DCBLD2: variants seen among roughly 807,000 people sequenced by gnomAD.
DCBLD2 encodes discoidin, CUB and LCCL domain-containing protein 2.
DCBLD2 carries 54 observed loss-of-function variants against 86.8 expected under a neutral mutation model. That is an observed-to-expected ratio of 0.62 (90% CI 0.50 to 0.78). The LOEUF (loss-of-function observed/expected upper bound fraction) is 0.78. DCBLD2 is among the 30% of genes least tolerant of loss of function. The pLI is 0.00. For synonymous variants in DCBLD2, 354 were observed against 341.3 expected, an observed-to-expected ratio of 1.04 and a Z score of -0.41; for missense variants, 908 against 954.2, an observed-to-expected ratio of 0.95 and a Z score of 0.64.
chr3:98,881,767 C>A lies in DCBLD2; in HGVS notation c.206G>T (p.Gly69Val). ...TAGTACAGTGTGTCCACATCCATCACCTTTAAAAAAAGTGAAAAGAATGAT... is the reference window on the plus strand; with the variant it reads ...TAGTACAGTGTGTCCACATCCATCAACTTTAAAAAAAGTGAAAAGAATGAT... ...LLLEDAGAQQ[G>V]DGCGHTVLGP... The change falls in exon 2 of 16, where the codon GGT (glycine) becomes GTT (valine). Residue 69 changes from glycine to valine, a missense_variant and splice_region_variant. This residue lies in a region of DCBLD2 where 294 missense variants were observed against 256.0 expected (regional missense o/e 1.15). Coordinates refer to ENST00000326840, the MANE Select transcript of DCBLD2 (RefSeq NM_080927.4). The A allele has an allele frequency of 1.3e-6, 2 of 1,584,158 alleles. No homozygotes were observed. Among genetic ancestry groups the A allele is most frequent in the Non-Finnish European group, 1.7e-6 (2 of 1,161,034 alleles).
At chr3:98,829,362 T>A (rs767140807) in intron 3 of DCBLD2, among the ~76,000 whole-genome samples, 1 of 151,936 alleles carries the variant, frequency 6.6e-6, no homozygotes, top group Non-Finnish European at 1.5e-5. Context: ...GTCATGGGGG[T>A]TTGCTGTATC....
Position 98,800,683 on chromosome 3 carries a change from G to T in DCBLD2, c.1754C>A (p.Ala585Glu), listed in dbSNP as rs1941703078. 6.2e-7 allele frequency: 1 copy of T among 1,613,776 alleles called. No homozygotes were observed. Among genetic ancestry groups the T allele is most frequent in the African/African-American group, 1.3e-5 (1 of 74,904 alleles). Residue 585 changes from alanine to glutamate, a missense_variant, in exon 15 of 16, where the codon GCA becomes GAA. By Grantham distance (107) the Ala-to-Glu change is moderately radical (BLOSUM62 -1). This residue lies in a region of DCBLD2 where 606 missense variants were observed against 678.5 expected (regional missense o/e 0.89). Transcript: ENST00000326840. ...GGTTTCCTCATGGTCCACTGCTTTT[G>T]CAGGAAGAAACTGCTTCATTCCTTT... The part of the protein sequence containing the change: ...WWKGMKQFLP[A>E]KAVDHEETPV...
intron 12 of DCBLD2, among the ~76,000 whole-genome samples, chr3:98,809,444 G>T (rs982525905): frequency 1.3e-5 from 2 of 151,706 alleles, no homozygotes; most frequent in Non-Finnish European, 2.9e-5. Context: ...TAGATCGAGG[G>T]GAACCAGGGC....
At chr3:98,818,850 T>C (rs908096058) in intron 8 of DCBLD2, among the ~76,000 whole-genome samples, 1 of 152,184 alleles carries the variant, frequency 6.6e-6, no homozygotes, top group African/African-American at 2.4e-5. Context: ...TCCCTACTTT[T>C]GAGGTTTTGG....
chr3:98,800,857 T>G (rs1334989779), intron 14 of DCBLD2, 141 bp from the exon 15 acceptor site: 2 of 1,098,214 alleles, frequency 1.8e-6, no homozygotes, highest in Non-Finnish European at 2.5e-6. Flanking sequence ...ATCCAACTTT[T>G]TTTTTTTTTT....
chr3:98,870,949 A>G (rs924151428), intron 2 of DCBLD2, among the ~76,000 whole-genome samples: 22 of 150,614 alleles, frequency 1.5e-4, no homozygotes, highest in African/African-American at 5.1e-4. Context: ...TGTATCATCT[A>G]TGGTTTCTTT....
At chr3:98,822,623 A>G in intron 5 of DCBLD2, 46 bp downstream of exon 5, 1 of 1,508,866 alleles carries the variant, frequency 6.6e-7, no homozygotes, top group South Asian at 1.3e-5. Context: ...GTTCTAAAAA[A>G]ATAGAGTTAT....
intron 10 of DCBLD2, 37 bp downstream of exon 10, chr3:98,812,295 C>T (rs374247631): frequency 6.2e-7 from 1 of 1,603,906 alleles, no homozygotes; most frequent in Non-Finnish European, 8.5e-7. Flanking sequence ...AATTGGCAAT[C>T]CAGTAAAAAC....
rs78062335 is a variant in DCBLD2 at position 98,852,870 on chromosome 3, C to T, written c.434-3272G>A. 4.2e-3 allele frequency among the ~76,000 whole-genome samples: 542 copies of T among 130,038 alleles called. 5 individuals are homozygous for T. The highest frequency in any genetic ancestry group is 0.01 in the African/African-American group (397 of 39,364). 85.3% of individuals were successfully genotyped at this position (130,038 alleles called of 152,430 possible). A position where few individuals can be genotyped will look rare whatever the true frequency, so the allele number is the denominator to read the frequency against. ...ACAACTGCAATGAACTGAATTCTAC[C>T]AACAACTAGTACACTTGGAAGAGAA... On this transcript the variant is annotated intron_variant, in intron 2 of 15. Transcript: ENST00000326840.
Position 98,810,404 on chromosome 3 carries a change from C to A in DCBLD2, c.1576+790G>T, listed in dbSNP as rs1296633055. Among the ~76,000 whole-genome samples the A allele has an allele frequency of 4.6e-5, 7 of 152,138 alleles. No individual in the cohort carries two copies. The South Asian group carries it at 1.2e-3, about 27-fold the overall frequency. ...TCAGAGAAAGTTATCTGAATCCAGG[C>A]AAACTTTCAAAAAATGAGAATGACT... is the stretch of plus-strand genomic sequence containing the variant. On this transcript the variant is annotated intron_variant, in intron 12 of 15. Transcript: ENST00000326840.
chr3:98,870,463 A>T (rs1366653103), intron 2 of DCBLD2, among the ~76,000 whole-genome samples: 1 of 151,942 alleles, frequency 6.6e-6, no homozygotes, highest in African/African-American at 2.4e-5. Context: ...TTCTTTTCTA[A>T]TTCTGAGAAA....
chr3:98,879,638 C>T lies in DCBLD2; in HGVS notation c.433+1902G>A, dbSNP rs1320602252. 1.3e-5 allele frequency among the ~76,000 whole-genome samples: 2 copies of T among 152,128 alleles called. 1 individual carries two copies. The highest frequency in any genetic ancestry group is 2.9e-5 in the Non-Finnish European group (2 of 68,034). ...ACCTGACCTCGTGATCCGCCCACCT[C>T]GGTCTGATAATCTTAAAAATAATTT... is the stretch of plus-strand genomic sequence containing the variant. On this transcript the variant is annotated intron_variant, in intron 2 of 15. Transcript: ENST00000326840.
Position 98,801,527 on chromosome 3 carries a change from T to C in DCBLD2, c.1720+73A>G, listed in dbSNP as rs1441835170. On this transcript the variant is annotated intron_variant, in intron 14 of 15. Transcript: ENST00000326840. ...TCACCTGGGCCAGAGAATGACTCTT[T>C]TTTCACTACTGCCCCCTGTAGGGGA... 4 of 1,254,800 alleles carry C rather than the reference T, an allele frequency of 3.2e-6. No homozygotes were observed. The Admixed American group carries it at 9.2e-5, about 29-fold the overall frequency. 77.7% of individuals were successfully genotyped at this position (1,254,800 alleles called of 1,614,324 possible). A position where few individuals can be genotyped will look rare whatever the true frequency, so the allele number is the denominator to read the frequency against.
chr3:98,853,668 T>G (rs1942879098), intron 2 of DCBLD2, among the ~76,000 whole-genome samples: 1 of 152,240 alleles, frequency 6.6e-6, no homozygotes, highest in African/African-American at 2.4e-5. Flanking sequence ...CTAGAAGGTG[T>G]TAAATGGAAA....
At chr3:98,893,370 C>T (rs766712810) in intron 1 of DCBLD2, among the ~76,000 whole-genome samples, 1 of 149,550 alleles carries the variant, frequency 6.7e-6, no homozygotes, top group Non-Finnish European at 1.5e-5. Flanking sequence ...TTTTCAAAGA[C>T]CACTGTAGTA....
chr3:98,816,656 T>C (rs1942028373), intron 9 of DCBLD2, among the ~76,000 whole-genome samples: 1 of 152,150 alleles, frequency 6.6e-6, no homozygotes, highest in African/African-American at 2.4e-5. Flanking sequence ...TGGAGGTTTT[T>C]GAACAAAGAG....
chr3:98,852,403 C>T (rs1009759927), intron 2 of DCBLD2, among the ~76,000 whole-genome samples: 4 of 152,046 alleles, frequency 2.6e-5, no homozygotes, highest in African/African-American at 4.8e-5. Context: ...CACACCAACA[C>T]GCCAGGCTAA....
intron 1 of DCBLD2, among the ~76,000 whole-genome samples, chr3:98,889,090 C>G (rs1157401892): frequency 6.6e-6 from 1 of 152,008 alleles, no homozygotes; most frequent in Non-Finnish European, 1.5e-5. Context: ...TAACTACACT[C>G]TTTCTGATAT....
intron 1 of DCBLD2, among the ~76,000 whole-genome samples, chr3:98,884,559 A>G (rs1468142777): frequency 6.6e-6 from 1 of 152,120 alleles, no homozygotes; most frequent in Admixed American, 6.6e-5. Context: ...ACAATCACTA[A>G]CATTTTTCCT....
Sources: allele counts gnomAD v4.1 joint callset (sites outside exome capture counted in the v4.1 genomes callset), GRCh38; gene constraint gnomAD v4.1.1; regional missense constraint gnomAD v4.1.1; transcripts MANE v1.5; gene names NCBI Gene and HGNC (gene_info 2026-07-23, HGNC 2026-07-21).